RNF212: variants seen among roughly 807,000 people sequenced by gnomAD.
The protein encoded by RNF212 is probable E3 SUMO-protein ligase RNF212.
RNF212 carries 33 observed loss-of-function variants against 34.7 expected under a neutral mutation model. The ratio of observed to expected loss-of-function variants is 0.95; its 90% CI spans 0.72 to 1.27. RNF212 has a LOEUF of 1.27. Ranked by LOEUF, RNF212 falls within the 50% of genes most tolerant of loss-of-function variation. RNF212 has a pLI of 0.00. For synonymous variants in RNF212, 140 were observed against 136.1 expected, an observed-to-expected ratio of 1.03 and a Z score of -0.20; for missense variants, 377 against 362.2, an observed-to-expected ratio of 1.04 and a Z score of -0.33.
chr4:1,073,134 C>T lies in RNF212; in HGVS notation c.634G>A (p.Val212Met), dbSNP rs770293388. The T allele has an allele frequency of 1.2e-6, 2 of 1,614,136 alleles. No individual in the cohort carries two copies. The highest frequency in any genetic ancestry group is 1.7e-6 in the Non-Finnish European group (2 of 1,180,036). The change falls in exon 10 of 10, where the codon GTG becomes ATG. Residue 212 changes from valine (V) to methionine (M), a missense_variant. Val to Met is a conservative substitution (Grantham distance 21). Coordinates refer to ENST00000433731, the MANE Select transcript of RNF212 (RefSeq NM_001131034.4). Reference protein sequence around the residue: ...IPWLTLSKPPVPGECVISRGS... With the variant: ...IPWLTLSKPPMPGECVISRGS... ...CTGGAAATGACACACTCTCCGGGCA[C>T]AGGGGGCTTAGACAAGGTCAACCAT... is the stretch of plus-strand genomic sequence containing the variant.
chr4:1,071,369 A>G (rs1316377123), downstream of RNF212: 1 of 152,216 alleles, frequency 6.6e-6, no homozygotes, highest in African/African-American at 2.4e-5. Flanking sequence ...ACATACCTCA[A>G]GATAAACTCC....
downstream of RNF212, among the ~76,000 whole-genome samples, chr4:1,068,723 A>G (rs1718249343): frequency 6.6e-6 from 1 of 152,076 alleles, no homozygotes; most frequent in South Asian, 2.1e-4. Context: ...CTTCCTTTAC[A>G]TTTCTTGTAG....
intron 3 of RNF212, among the ~76,000 whole-genome samples, chr4:1,059,269 G>A (rs749564854): frequency 2.6e-5 from 4 of 152,210 alleles, no homozygotes; most frequent in Non-Finnish European, 4.4e-5. Flanking sequence ...TGCTGCCTGC[G>A]GGAGGCATCG....
chr4:1,108,534 C>T (rs1185195556), intron 1 of RNF212, 130 bp from the exon 2 acceptor site: 1 of 468,282 alleles, frequency 2.1e-6, no homozygotes. Context: ...CATGTTCTGA[C>T]AGGATGAGGC....
intron 3 of RNF212, among the ~76,000 whole-genome samples, chr4:1,063,968 A>G (rs556139013): frequency 6.6e-6 from 1 of 152,238 alleles, no homozygotes; most frequent in South Asian, 2.1e-4. Context: ...AACCAAGAAA[A>G]TGTATCTTCA....
chr4:1,092,477 G>A (rs1162294259), intron 3 of RNF212, among the ~76,000 whole-genome samples: 2 of 151,820 alleles, frequency 1.3e-5, no homozygotes, highest in African/African-American at 4.9e-5. Context: ...AGCCACACAG[G>A]CCTGCAGCCT....
intron 9 of RNF212, 137 bp downstream of exon 9, chr4:1,073,462 G>A: frequency 4.0e-6 from 3 of 743,518 alleles, no homozygotes; most frequent in South Asian, 1.7e-5. Flanking sequence ...TGGTGAATAT[G>A]TAGCCTCCCA....
At chr4:1,098,390 C>T (rs1194270461) in intron 2 of RNF212, among the ~76,000 whole-genome samples, 1 of 152,200 alleles carries the variant, frequency 6.6e-6, no homozygotes, top group Admixed American at 6.5e-5. Context: ...AGCTCCAAAG[C>T]CTGGGGCAGG....
intron 8 of RNF212, among the ~76,000 whole-genome samples, chr4:1,075,942 G>A (rs908189920): frequency 1.3e-5 from 2 of 152,106 alleles, no homozygotes; most frequent in African/African-American, 2.4e-5. Context: ...GATTACAGGC[G>A]TGAGGTACTG....
At chr4:1,066,820 A>AT (rs575447014), downstream of RNF212, among the ~76,000 whole-genome samples, 319 of 147,738 alleles carry the variant, frequency 2.2e-3, 6 homozygotes, top group South Asian at 0.046. Flanking sequence ...AATTTGTTTA[A>AT]TTTTTTTTTT....
At chr4:1,071,072 G>A (rs1718449802), downstream of RNF212, among the ~76,000 whole-genome samples, 1 of 148,366 alleles carries the variant, frequency 6.7e-6, no homozygotes, top group Non-Finnish European at 1.5e-5. Flanking sequence ...TTTTTTCTGT[G>A]TGCTTGAAGT....
intron 2 of RNF212, chr4:1,099,824 C>T (rs768285109): frequency 1.3e-5 from 6 of 456,226 alleles, no homozygotes; most frequent in South Asian, 6.2e-5. Flanking sequence ...GGTCCGACGG[C>T]GCAAGCGGAC....
chr4:1,091,818 G>A (rs1297907466), intron 3 of RNF212, among the ~76,000 whole-genome samples: 1 of 152,210 alleles, frequency 6.6e-6, no homozygotes, highest in Non-Finnish European at 1.5e-5. Flanking sequence ...CGTCCTCGGA[G>A]TGACTTGGAG....
chr4:1,076,298 G>T (rs1027862080), intron 8 of RNF212, among the ~76,000 whole-genome samples: 5 of 152,180 alleles, frequency 3.3e-5, no homozygotes, highest in Admixed American at 3.3e-4. Context: ...GGAAGGAAAA[G>T]AACCAATCCC....
chr4:1,065,190 G>A (rs976550409), intron 3 of RNF212, among the ~76,000 whole-genome samples: 1 of 152,180 alleles, frequency 6.6e-6, no homozygotes, highest in Non-Finnish European at 1.5e-5. Context: ...GTGTTTTTAA[G>A]TTTTGGAGGA....
chr4:1,111,303 GATT>G (rs1725620312), intron 1 of RNF212, among the ~76,000 whole-genome samples: 1 of 152,076 alleles, frequency 6.6e-6, no homozygotes, highest in South Asian at 2.1e-4. Flanking sequence ...AGGATTATAG[GATT>G]ATTATCCCGT....
intron 8 of RNF212, among the ~76,000 whole-genome samples, chr4:1,078,019 C>T (rs1370216796): frequency 6.6e-6 from 1 of 152,202 alleles, no homozygotes; most frequent in Non-Finnish European, 1.5e-5. Flanking sequence ...TCGTTCCCTA[C>T]TGGATCCAGT....
intron 7 of RNF212, among the ~76,000 whole-genome samples, chr4:1,080,920 G>A (rs1489898946): frequency 2.6e-5 from 4 of 152,244 alleles, no homozygotes; most frequent in African/African-American, 9.6e-5. Context: ...CAGAGTGATG[G>A]CCAGGCAGGC....
In RNF212 at chr4:1,099,337, T is replaced by C. The variant is rs148172320; in HGVS notation, c.172-2498A>G. Reference sequence around the variant, plus strand: ...TAAAATAAATAATAAAGGAATTCCCTGTAGGTAAGAAAAATAATTCCTGAT... The same window carrying C: ...TAAAATAAATAATAAAGGAATTCCCCGTAGGTAAGAAAAATAATTCCTGAT... On this transcript the variant is annotated intron_variant, in intron 2 of 9. Transcript: ENST00000433731. Among the ~76,000 whole-genome samples the C allele has an allele frequency of 5.0e-3, 758 of 152,220 alleles. 7 individuals are homozygous for C. The highest frequency in any genetic ancestry group is 0.031 in the Middle Eastern group (9 of 294).
Sources: gnomAD v4.1 joint callset for allele counts (sites outside exome capture counted in the v4.1 genomes callset) on GRCh38, gnomAD v4.1.1 for gene constraint, MANE v1.5 for transcripts, NCBI Gene and HGNC (gene_info 2026-07-23, HGNC 2026-07-21) for gene names.